The following CCSER1 variants were observed in gnomAD, a reference collection of about 807,000 sequenced individuals.
The protein encoded by CCSER1 is coiled-coil serine rich protein 1.
A neutral mutation model predicts 82.0 loss-of-function variants in CCSER1; 41 were observed. The ratio of observed to expected loss-of-function variants is 0.50; its 90% CI spans 0.39 to 0.65. The LOEUF is 0.65. Among genes scored for constraint, CCSER1 ranks in the 30% least tolerant of loss-of-function variants. The pLI is 0.00. For missense variants in CCSER1, 1,119 were observed against 1,064.2 expected (o/e 1.05, Z -0.72); for synonymous variants, 414 against 383.9 (o/e 1.08, Z -0.92).
chr4:91,388,673 G>A (rs371585719), intron 10 of CCSER1, among the ~76,000 whole-genome samples: 13 of 152,002 alleles, frequency 8.6e-5, no homozygotes, highest in African/African-American at 1.9e-4. Context: ...ATCTTTTCAT[G>A]TGCTTATTTT....
intron 9 of CCSER1, among the ~76,000 whole-genome samples, chr4:90,971,743 C>T (rs776923317): frequency 2.6e-5 from 4 of 151,768 alleles, no homozygotes. Flanking sequence ...CCCTGATGAA[C>T]ATAGATGTAA....
At chr4:91,067,179 A>G (rs1008059674) in intron 9 of CCSER1, among the ~76,000 whole-genome samples, 3 of 152,056 alleles carry the variant, frequency 2.0e-5, no homozygotes, top group African/African-American at 7.2e-5. Flanking sequence ...GAAAAAAAAA[A>G]GAATAGGCCC....
At chr4:91,351,977 AAC>A (rs1044889817) in intron 10 of CCSER1, among the ~76,000 whole-genome samples, 1 of 152,192 alleles carries the variant, frequency 6.6e-6, no homozygotes, top group Non-Finnish European at 1.5e-5. Flanking sequence ...TGCAATGAGA[AAC>A]ACAGAAGTAC....
intron 8 of CCSER1, among the ~76,000 whole-genome samples, chr4:90,906,110 A>G (rs889389214): frequency 5.3e-5 from 8 of 152,138 alleles, no homozygotes; most frequent in Non-Finnish European, 1.0e-4. Context: ...AGATGAATAA[A>G]CAGACATCTA....
At chr4:91,539,251 T>C (rs1761463316) in intron 10 of CCSER1, among the ~76,000 whole-genome samples, 1 of 152,116 alleles carries the variant, frequency 6.6e-6, no homozygotes, top group Admixed American at 6.6e-5. Flanking sequence ...GTTTGATTAA[T>C]AGCTTGTGTT....
chr4:90,739,002 AT>A (rs772968310), intron 7 of CCSER1, among the ~76,000 whole-genome samples: 3 of 151,878 alleles, frequency 2.0e-5, no homozygotes, highest in Non-Finnish European at 2.9e-5. Context: ...AAAAAGTCCC[AT>A]TTTTTCCTTC....
intron 6 of CCSER1, among the ~76,000 whole-genome samples, chr4:90,689,413 A>G (rs948367526): frequency 6.6e-6 from 1 of 152,148 alleles, no homozygotes; most frequent in African/African-American, 2.4e-5. Flanking sequence ...TCTGGTTAGA[A>G]TATATTAATT....
intron 8 of CCSER1, among the ~76,000 whole-genome samples, chr4:90,825,753 T>TG (rs149329130): frequency 0.059 from 8,671 of 146,466 alleles, 519 homozygotes; most frequent in African/African-American, 0.16. Context: ...TTTTTTGAGA[T>TG]GGAGTCTCGC....
At chr4:90,483,008 A>G (rs534376870) in intron 5 of CCSER1, among the ~76,000 whole-genome samples, 1 of 152,182 alleles carries the variant, frequency 6.6e-6, no homozygotes, top group Non-Finnish European at 1.5e-5. Flanking sequence ...TGGGAGTCTA[A>G]GTCACTTTGT....
At chr4:91,202,340 C>T (rs544323271) in intron 10 of CCSER1, among the ~76,000 whole-genome samples, 5 of 152,144 alleles carry the variant, frequency 3.3e-5, no homozygotes, top group East Asian at 3.9e-4. Flanking sequence ...AAGTTAAACA[C>T]GTCCTTTCCA....
chr4:90,229,314 T>C (rs1485415673), intron 1 of CCSER1, among the ~76,000 whole-genome samples: 1 of 152,150 alleles, frequency 6.6e-6, no homozygotes, highest in African/African-American at 2.4e-5. Flanking sequence ...GGGGCCAATA[T>C]TCAACATTCT....
chr4:91,575,687 G>T (rs1354397743), intron 10 of CCSER1, among the ~76,000 whole-genome samples: 1 of 151,818 alleles, frequency 6.6e-6, no homozygotes, highest in Non-Finnish European at 1.5e-5. Context: ...TAATTTTGAG[G>T]AAGTAGAACC....
intron 10 of CCSER1, among the ~76,000 whole-genome samples, chr4:91,178,806 G>C (rs569519013): frequency 2.6e-4 from 39 of 151,072 alleles, no homozygotes; most frequent in African/African-American, 8.2e-4. Flanking sequence ...GTCCATTTAA[G>C]GTTAATATTG....
chr4:91,049,365 A>G (rs1742803823), intron 9 of CCSER1, among the ~76,000 whole-genome samples: 1 of 152,138 alleles, frequency 6.6e-6, no homozygotes, highest in East Asian at 1.9e-4. Flanking sequence ...GCCAATGATG[A>G]AGCCAAAAAT....
Position 90,308,263 on chromosome 4 carries a change from C to T in CCSER1, c.-22C>T. On this transcript the variant is annotated 5_prime_UTR_variant, in exon 2 of 11. Transcript: ENST00000509176. ...TCTCAGGCTGCAAAGTTGGCTTTCA[C>T]AGTGCAAGCCTTTGATTCCCAATGG... 6.6e-7 allele frequency: 1 copy of T among 1,508,922 alleles called. No individual in the cohort carries two copies. The highest frequency in any genetic ancestry group is 8.9e-7 in the Non-Finnish European group (1 of 1,129,638). The allele number at this position is 1,508,922 out of a possible 1,614,324, so 93.5% of individuals were successfully genotyped here.
intron 10 of CCSER1, among the ~76,000 whole-genome samples, chr4:91,493,456 AT>A (rs930417506): frequency 5.4e-5 from 8 of 149,214 alleles, no homozygotes; most frequent in African/African-American, 9.8e-5. Context: ...ATGAAAAAAA[AT>A]ATGAAAGTAT....
chr4:91,374,976 G>T (rs1409045777), intron 10 of CCSER1, among the ~76,000 whole-genome samples: 1 of 152,162 alleles, frequency 6.6e-6, no homozygotes, highest in Admixed American at 6.6e-5. Context: ...TCCAGCCTGG[G>T]AGAGAGAGTC....
chr4:91,512,500 C>T (rs1759879418), intron 10 of CCSER1, among the ~76,000 whole-genome samples: 1 of 152,140 alleles, frequency 6.6e-6, no homozygotes, highest in Non-Finnish European at 1.5e-5. Flanking sequence ...GGTTTTGGGA[C>T]TCGGACTGAT....
At chr4:90,872,219 G>A (rs1474276296) in intron 8 of CCSER1, among the ~76,000 whole-genome samples, 2 of 151,554 alleles carry the variant, frequency 1.3e-5, no homozygotes, top group Non-Finnish European at 3.0e-5. Context: ...TCGTTTTCCA[G>A]TTATTTTGTA....
Sources: allele counts gnomAD v4.1 joint callset (sites outside exome capture counted in the v4.1 genomes callset), GRCh38; gene constraint gnomAD v4.1.1; transcripts MANE v1.5; gene names NCBI Gene and HGNC (gene_info 2026-07-23, HGNC 2026-07-21).